NOVA1: variants seen among roughly 807,000 people sequenced by gnomAD.
NOVA1 encodes the protein NOVA alternative splicing regulator 1, also known as RNA-binding protein Nova-1.
In NOVA1, 7 loss-of-function variants were observed where a neutral mutation model predicts 38.0. The ratio of observed to expected loss-of-function variants is 0.18; its 90% CI spans 0.10 to 0.35. The LOEUF is 0.35. Among genes scored for constraint, NOVA1 ranks in the 10% least tolerant of loss-of-function variants. NOVA1 has a pLI of 1.00. For synonymous variants in NOVA1, 270 were observed against 232.5 expected (o/e 1.16, Z -1.47); for missense variants, 460 against 616.0 (o/e 0.75, Z 2.68).
chr14:26,470,318 C>T (rs1255748768), intron 4 of NOVA1: 8 of 1,429,902 alleles, frequency 5.6e-6, no homozygotes, highest in Middle Eastern at 1.8e-4. Context: ...AACACATTTC[C>T]TTCTGCCCTA....
intron 2 of NOVA1, among the ~76,000 whole-genome samples, chr14:26,576,208 G>A (rs966434838): frequency 1.3e-5 from 2 of 151,768 alleles, no homozygotes; most frequent in Non-Finnish European, 2.9e-5. Context: ...AGCTAACTGT[G>A]TCTTCTAAGA....
chr14:26,574,954 G>A (rs1310910709), intron 2 of NOVA1, among the ~76,000 whole-genome samples: 1 of 152,090 alleles, frequency 6.6e-6, no homozygotes, highest in South Asian at 2.1e-4. Flanking sequence ...GTGAGCCACT[G>A]AGCCCAGCCT....
At chr14:26,523,748 A>ATTTTTTT (rs1182238464) in intron 2 of NOVA1, among the ~76,000 whole-genome samples, 1 of 108,638 alleles carries the variant, frequency 9.2e-6, no homozygotes, top group African/African-American at 3.6e-5. Flanking sequence ...CCACTTGAAG[A>ATTTTTTT]TTTTTTTTTT....
At chr14:26,479,264 G>A (rs1024181106) in intron 3 of NOVA1, 4 of 151,930 alleles carry the variant, frequency 2.6e-5, no homozygotes, top group East Asian at 1.9e-4. Flanking sequence ...AAGAGTTTAC[G>A]GTGGAAGAAT....
intron 4 of NOVA1, among the ~76,000 whole-genome samples, chr14:26,452,094 T>C (rs937053921): frequency 1.3e-5 from 2 of 152,190 alleles, no homozygotes; most frequent in African/African-American, 4.8e-5. Context: ...TTTCAAAATT[T>C]AATAAAAGTA....
chr14:26,467,708 T>C (rs1725806027), intron 4 of NOVA1, among the ~76,000 whole-genome samples: 1 of 152,114 alleles, frequency 6.6e-6, no homozygotes, highest in Non-Finnish European at 1.5e-5. Flanking sequence ...AATGAATGGT[T>C]TTAGACAAGA....
intron 4 of NOVA1, among the ~76,000 whole-genome samples, chr14:26,466,015 G>A (rs1245214): frequency 0.63 from 96,119 of 151,950 alleles, 32,964 homozygotes; most frequent in Non-Finnish European, 0.75. Flanking sequence ...CATATAAGGA[G>A]GTCAGGTAAG....
At chr14:26,466,859 A>T (rs959471704) in intron 4 of NOVA1, among the ~76,000 whole-genome samples, 1 of 152,154 alleles carries the variant, frequency 6.6e-6, no homozygotes, top group Non-Finnish European at 1.5e-5. Context: ...GTCTTCTGCG[A>T]TTTCAAGACA....
intron 2 of NOVA1, among the ~76,000 whole-genome samples, chr14:26,540,623 T>C (rs2138595090): frequency 6.6e-6 from 1 of 152,336 alleles, no homozygotes; most frequent in Non-Finnish European, 1.5e-5. Context: ...AAACCAAGTG[T>C]TCTTAATAAT....
intron 4 of NOVA1, among the ~76,000 whole-genome samples, chr14:26,459,725 T>C (rs1345427271): frequency 2.0e-5 from 3 of 152,090 alleles, no homozygotes; most frequent in African/African-American, 7.2e-5. Context: ...TTTTAAAATT[T>C]TGAGTTGTTT....
intron 2 of NOVA1, among the ~76,000 whole-genome samples, chr14:26,574,344 C>T (rs1046058084): frequency 9.5e-5 from 14 of 147,382 alleles, no homozygotes; most frequent in African/African-American, 3.5e-4. Flanking sequence ...GCCAAGATTA[C>T]ACATTTTTAA....
chr14:26,583,357 T>A (rs1318039070), intron 2 of NOVA1, among the ~76,000 whole-genome samples: 1 of 151,658 alleles, frequency 6.6e-6, no homozygotes, highest in Non-Finnish European at 1.5e-5. Context: ...CATACCATAA[T>A]ACAGATATCA....
intron 2 of NOVA1, among the ~76,000 whole-genome samples, chr14:26,577,296 G>A (rs1325790498): frequency 6.6e-6 from 1 of 151,918 alleles, no homozygotes; most frequent in African/African-American, 2.4e-5. Flanking sequence ...TGGATATATC[G>A]ATACTGATAT....
At chr14:26,461,685 T>C (rs1883684861) in intron 4 of NOVA1, among the ~76,000 whole-genome samples, 3 of 151,558 alleles carry the variant, frequency 2.0e-5, no homozygotes, top group African/African-American at 7.3e-5. Flanking sequence ...TCCGAGCACT[T>C]TGGGAGGCTG....
intron 4 of NOVA1, among the ~76,000 whole-genome samples, chr14:26,457,620 T>C (rs1043186542): frequency 2.0e-5 from 3 of 152,254 alleles, no homozygotes; most frequent in Non-Finnish European, 4.4e-5. Context: ...ACATAAAACC[T>C]GATAATGATG....
chr14:26,475,320 C>G (rs1442282182), intron 3 of NOVA1, among the ~76,000 whole-genome samples: 1 of 152,196 alleles, frequency 6.6e-6, no homozygotes, highest in Non-Finnish European at 1.5e-5. Flanking sequence ...GCAAGAGCCA[C>G]TGCACCTGGC....
rs960309117 is a variant in NOVA1, at chr14:26,538,930, T to C, written c.280+56480A>G. Among the ~76,000 whole-genome samples, 7 of 152,166 alleles carry C rather than the reference T, an allele frequency of 4.6e-5. 1 individual carries two copies. Among genetic ancestry groups the C allele is most frequent in the African/African-American group, 1.7e-4 (7 of 41,448 alleles). On this transcript the variant is annotated intron_variant, in intron 2 of 4. Coordinates refer to ENST00000539517, the MANE Select transcript of NOVA1 (RefSeq NM_002515.3). ...CTTTTCTCTGAGCATGCTAAGCTCATTCTGATCCAAGGACGTTTTTCTTTA... is the reference window on the plus strand; with the variant it reads ...CTTTTCTCTGAGCATGCTAAGCTCACTCTGATCCAAGGACGTTTTTCTTTA...
chr14:26,498,086 G>A (rs942804204), intron 2 of NOVA1, among the ~76,000 whole-genome samples: 2 of 152,130 alleles, frequency 1.3e-5, no homozygotes, highest in Non-Finnish European at 2.9e-5. Flanking sequence ...ATGGGATATA[G>A]TCTTGCTCTG....
At chr14:26,564,024 G>A (rs1398904414) in intron 2 of NOVA1, among the ~76,000 whole-genome samples, 2 of 152,104 alleles carry the variant, frequency 1.3e-5, no homozygotes, top group Non-Finnish European at 2.9e-5. Context: ...AATAAAGTGT[G>A]TATAGCAAGA....
Sources: allele counts gnomAD v4.1 joint callset (sites outside exome capture counted in the v4.1 genomes callset), GRCh38; gene constraint gnomAD v4.1.1; transcripts MANE v1.5; gene names NCBI Gene and HGNC (gene_info 2026-07-23, HGNC 2026-07-21).